Variants in FTO observed in about 807,000 individuals in gnomAD.
The protein encoded by FTO is FTO alpha-ketoglutarate dependent dioxygenase.
In FTO, 47 loss-of-function variants were observed where a neutral mutation model predicts 63.9. The ratio of observed to expected loss-of-function variants is 0.74; its 90% CI spans 0.58 to 0.94. The LOEUF is 0.94. FTO is among the 40% of genes least tolerant of loss of function. FTO has a pLI of 0.00. For missense variants in FTO, 562 were observed against 618.1 expected, an observed-to-expected ratio of 0.91 and a Z score of 0.96; for synonymous variants, 207 against 224.4, an observed-to-expected ratio of 0.92 and a Z score of 0.69.
chr16:53,788,686 G>A (rs111675203), intron 1 of FTO, among the ~76,000 whole-genome samples: 3 of 150,662 alleles, frequency 2.0e-5, no homozygotes, highest in Admixed American at 2.0e-4. Flanking sequence ...AAAATATTTA[G>A]TACTGGCATT....
chr16:53,861,699 T>C lies in FTO; in HGVS notation c.896-12087T>C, dbSNP rs545920616. 2.6e-5 allele frequency among the ~76,000 whole-genome samples: 4 copies of C among 152,340 alleles called. No individual in the cohort carries two copies. In the East Asian group the frequency reaches 7.7e-4, roughly 29 times the overall value. ...ATCGCAATAGTTGCATTAAATTAAA[T>C]AACAATATTTGAAATTATTTAACTG... On this transcript the variant is annotated intron_variant, in intron 4 of 8. Coordinates refer to ENST00000471389, the MANE Select transcript of FTO (RefSeq NM_001080432.3).
At chr16:54,098,822 A>T (rs151166586) in intron 8 of FTO, among the ~76,000 whole-genome samples, 309 of 152,318 alleles carry the variant, frequency 2.0e-3, no homozygotes, top group African/African-American at 6.9e-3. Context: ...ACTCAGAATC[A>T]AGTTGATTCT....
intron 4 of FTO, among the ~76,000 whole-genome samples, chr16:53,873,427 C>T (rs138740014): frequency 1.5e-3 from 230 of 150,656 alleles, no homozygotes; most frequent in African/African-American, 5.4e-3. Context: ...AGAATATATA[C>T]ATATTTAGTT....
intron 8 of FTO, among the ~76,000 whole-genome samples, chr16:54,067,851 A>G (rs1426246272): frequency 6.6e-6 from 1 of 152,236 alleles, no homozygotes; most frequent in Non-Finnish European, 1.5e-5. Flanking sequence ...AAATGCAAAC[A>G]AGGGAGCCAA....
At chr16:53,711,448 A>G (rs1334865116) in intron 1 of FTO, 1 of 398,634 alleles carries the variant, frequency 2.5e-6, no homozygotes, top group East Asian at 3.6e-5. Flanking sequence ...CTGGCTGTCC[A>G]TGGAAGGTAA....
chr16:53,970,053 A>G (rs2083281566), intron 8 of FTO, among the ~76,000 whole-genome samples: 2 of 152,170 alleles, frequency 1.3e-5, no homozygotes, highest in African/African-American at 4.8e-5. Context: ...GGTGTGGCCA[A>G]TGGTTCTTTT....
chr16:53,827,752 C>T (rs1480822148), intron 3 of FTO, among the ~76,000 whole-genome samples: 1 of 152,138 alleles, frequency 6.6e-6, no homozygotes, highest in Non-Finnish European at 1.5e-5. Context: ...CTAAGAAAAT[C>T]GCTTGAAGGG....
chr16:53,995,864 C>T (rs2083923373), intron 8 of FTO, among the ~76,000 whole-genome samples: 1 of 152,100 alleles, frequency 6.6e-6, no homozygotes, highest in Non-Finnish European at 1.5e-5. Flanking sequence ...TTCCCGGGTT[C>T]CCTTGCAAGT....
intron 8 of FTO, among the ~76,000 whole-genome samples, chr16:53,952,532 C>T (rs2082824470): frequency 6.6e-6 from 1 of 152,134 alleles, no homozygotes; most frequent in Admixed American, 6.5e-5. Flanking sequence ...CCCATATTTT[C>T]GTACTTAGAA....
chr16:53,770,598 T>C (rs1003433385), intron 1 of FTO, among the ~76,000 whole-genome samples: 1 of 152,196 alleles, frequency 6.6e-6, no homozygotes, highest in Non-Finnish European at 1.5e-5. Context: ...TGAAGGTAAC[T>C]AAACACATTT....
chr16:54,034,422 C>T (rs1351335714), intron 8 of FTO, among the ~76,000 whole-genome samples: 6 of 152,154 alleles, frequency 3.9e-5, no homozygotes, highest in African/African-American at 1.4e-4. Flanking sequence ...TAATTTGCCA[C>T]CTTACAAGTA....
intron 7 of FTO, among the ~76,000 whole-genome samples, chr16:53,889,854 CACTT>C (rs147884142): frequency 0.027 from 4,132 of 152,184 alleles, 156 homozygotes; most frequent in African/African-American, 0.083. Flanking sequence ...TAATAACAAA[CACTT>C]ACATAATACT....
chr16:53,933,807 C>T lies in FTO; in HGVS notation c.1240-178C>T, dbSNP rs112497885. Among the ~76,000 whole-genome samples the T allele has an allele frequency of 6.8e-4, 103 of 152,300 alleles. 1 individual carries two copies. Among genetic ancestry groups the T allele is most frequent in the African/African-American group, 2.3e-3 (94 of 41,572 alleles). On this transcript the variant is annotated intron_variant, in intron 7 of 8. Coordinates refer to ENST00000471389, the MANE Select transcript of FTO (RefSeq NM_001080432.3). ...TAGAGTTTACCTTATGTGCCATGTA[C>T]ATTGATTAAATACAAAATATATGCC...
intron 8 of FTO, among the ~76,000 whole-genome samples, chr16:54,091,629 A>T (rs1291898996): frequency 6.6e-6 from 1 of 152,232 alleles, no homozygotes; most frequent in Admixed American, 6.5e-5. Context: ...TGCGGGTTGG[A>T]TGGATGGAGT....
intron 8 of FTO, among the ~76,000 whole-genome samples, chr16:53,980,974 GA>G (rs1217742989): frequency 6.6e-6 from 1 of 152,108 alleles, no homozygotes; most frequent in Non-Finnish European, 1.5e-5. Context: ...TTTCCTCAAA[GA>G]GATAACATGG....
intron 8 of FTO, chr16:54,071,788 T>C (rs1415729834): frequency 1.3e-5 from 2 of 152,180 alleles, no homozygotes; most frequent in Admixed American, 1.3e-4. Context: ...AATATTGATG[T>C]AAACATGTTT....
chr16:53,721,317 C>T (rs1452076225), intron 1 of FTO, among the ~76,000 whole-genome samples: 1 of 151,840 alleles, frequency 6.6e-6, no homozygotes, highest in Non-Finnish European at 1.5e-5. Context: ...ACTCTGTTCC[C>T]GAAGTATATA....
intron 8 of FTO, among the ~76,000 whole-genome samples, chr16:54,067,527 G>T (rs541985584): frequency 6.6e-6 from 1 of 152,350 alleles, no homozygotes; most frequent in East Asian, 1.9e-4. Flanking sequence ...CTGTCTGACA[G>T]TGTGTTGCTA....
At chr16:53,941,722 C>T (rs905038340) in intron 8 of FTO, among the ~76,000 whole-genome samples, 12 of 152,150 alleles carry the variant, frequency 7.9e-5, no homozygotes, top group African/African-American at 2.9e-4. Context: ...GTGGCGCACA[C>T]CTGTAGTCCC....
Sources: allele counts gnomAD v4.1 joint callset (sites outside exome capture counted in the v4.1 genomes callset), GRCh38; gene constraint gnomAD v4.1.1; transcripts MANE v1.5; gene names NCBI Gene and HGNC (gene_info 2026-07-23, HGNC 2026-07-21).